The following UBXN8 variants were observed in gnomAD, a reference collection of about 807,000 sequenced individuals.
The protein encoded by UBXN8 is UBX domain protein 8.
A neutral mutation model predicts 32.1 loss-of-function variants in UBXN8; 27 were observed. The observed-to-expected ratio is 0.84, with a 90% CI of 0.62 to 1.16. UBXN8 has a LOEUF of 1.16. Among genes scored for constraint, UBXN8 ranks in the 50% most tolerant of loss-of-function variants. The pLI is 0.00. For missense variants in UBXN8, 306 were observed against 311.4 expected (o/e 0.98, Z 0.13); for synonymous variants, 109 against 111.8 (o/e 0.98, Z 0.16).
upstream of UBXN8, among the ~76,000 whole-genome samples, chr8:30,731,323 C>G (rs986797082): frequency 2.0e-5 from 3 of 152,138 alleles, no homozygotes; most frequent in African/African-American, 7.2e-5. Context: ...CGGTAGTAAC[C>G]GGCCCAGTCG....
At chr8:30,744,013 G>T (rs1805281670), upstream of UBXN8, among the ~76,000 whole-genome samples, 2 of 152,236 alleles carry the variant, frequency 1.3e-5, no homozygotes, top group South Asian at 4.1e-4. Context: ...CACGGCTACA[G>T]ACTATAACTT....
upstream of UBXN8, among the ~76,000 whole-genome samples, chr8:30,742,744 C>A (rs1805239541): frequency 6.6e-6 from 1 of 152,156 alleles, no homozygotes; most frequent in Non-Finnish European, 1.5e-5. Flanking sequence ...AGATTCCTAA[C>A]CTTTGAACAC....
chr8:30,745,668 A>G (rs1805341955), intron 1 of UBXN8, among the ~76,000 whole-genome samples: 2 of 152,268 alleles, frequency 1.3e-5, no homozygotes, highest in Admixed American at 1.3e-4. Context: ...CTTTATCCAA[A>G]GGATCAGAAA....
At chr8:30,739,510 C>G (rs191633943), upstream of UBXN8, among the ~76,000 whole-genome samples, 72 of 152,312 alleles carry the variant, frequency 4.7e-4, no homozygotes, top group African/African-American at 1.6e-3. Flanking sequence ...TGCCACTGCA[C>G]TCCAGCCTGG....
In UBXN8 at chr8:30,753,965, G is replaced by A. The variant is rs1261869864; in HGVS notation, c.283-700G>A. 4.5e-4 allele frequency among the ~76,000 whole-genome samples: 69 copies of A among 152,162 alleles called. 2 individuals carry two copies. The highest frequency in any genetic ancestry group is 1.0e-4 in the Non-Finnish European group (7 of 67,990). On this transcript the variant is annotated intron_variant, in intron 3 of 7. Transcript: ENST00000265616. Reference sequence around the variant, plus strand: ...CTAATTTTTAAAAAATTTTGGGCCAGGCGTGGTGGTGCACGCCTGTAATCC... The same window carrying A: ...CTAATTTTTAAAAAATTTTGGGCCAAGCGTGGTGGTGCACGCCTGTAATCC...
intron 1 of UBXN8, chr8:30,744,520 G>A: frequency 1.9e-6 from 1 of 537,030 alleles, no homozygotes; most frequent in South Asian, 2.8e-5. Context: ...ATCATAGACA[G>A]TGCTTTCGCA....
chr8:30,766,027 A>G (rs560364346), intron 7 of UBXN8, among the ~76,000 whole-genome samples, 200 bp from the exon 8 acceptor site: 23 of 144,094 alleles, frequency 1.6e-4, no homozygotes, highest in Non-Finnish European at 2.9e-4. Context: ...AAAAAAAAAG[A>G]ATATTCCTAT....
At chr8:30,752,876 A>G (rs1017254101) in intron 2 of UBXN8, among the ~76,000 whole-genome samples, 159 bp from the exon 3 acceptor site, 3 of 152,240 alleles carry the variant, frequency 2.0e-5, no homozygotes, top group Admixed American at 2.0e-4. Flanking sequence ...CTAAAAGGTT[A>G]TACTATTCAA....
chr8:30,742,795 C>T (rs537240628), upstream of UBXN8, among the ~76,000 whole-genome samples: 1 of 152,238 alleles, frequency 6.6e-6, no homozygotes, highest in East Asian at 1.9e-4. Context: ...TTTTGCAAGC[C>T]TTCTGGGTAT....
At position 30,763,679 on chromosome 8, in the gene UBXN8, T is replaced by A. The variant is rs143545845; in HGVS notation, c.645+332T>A. 3.9e-3 allele frequency among the ~76,000 whole-genome samples: 584 copies of A among 150,618 alleles called. 2 individuals are homozygous for A. The highest frequency in any genetic ancestry group is 6.2e-3 in the Non-Finnish European group (416 of 67,558). The stretch of plus-strand genomic sequence containing the variant: ...GAAGTAGCCACTATTAACTTTAGAC[T>A]TTTTTTTTTCTTTTAAAAACAATAC... On this transcript the variant is annotated intron_variant, in intron 7 of 7. Transcript: ENST00000265616.
chr8:30,756,725 G>T, intron 4 of UBXN8, 40 bp from the exon 5 acceptor site: 1 of 1,611,064 alleles, frequency 6.2e-7, no homozygotes, highest in Non-Finnish European at 8.5e-7. Flanking sequence ...AAAGTTGATA[G>T]AAAACATCTC....
In UBXN8 at chr8:30,763,338, C is replaced by T. The variant is rs770362555; in HGVS notation, c.636C>T (p.Tyr212=). The part of the protein sequence containing the change: ...NVLRRRFLKS[Y]SSQVLFDWMT... ...TGAGGAGAAGGTTTTTGAAGTCCTACAGCTCACAGGTAAGTGAAGGAATTC... is the reference window on the plus strand; with the variant it reads ...TGAGGAGAAGGTTTTTGAAGTCCTATAGCTCACAGGTAAGTGAAGGAATTC... Residue 212 remains tyrosine (Y), a synonymous_variant, in exon 7 of 8, where the codon TAC becomes TAT. Coordinates refer to ENST00000265616, the MANE Select transcript of UBXN8 (RefSeq NM_005671.4). 6 of 1,613,636 alleles carry T rather than the reference C, an allele frequency of 3.7e-6. No homozygotes were observed. Among genetic ancestry groups the T allele is most frequent in the Non-Finnish European group, 5.1e-6 (6 of 1,179,636 alleles).
chr8:30,753,073 A>AG lies in UBXN8; in HGVS notation c.251dup (p.Gln87ThrfsTer38), dbSNP rs916568235. On this transcript the variant is annotated frameshift_variant, in exon 3 of 8. Coordinates refer to ENST00000265616, the MANE Select transcript of UBXN8 (RefSeq NM_005671.4). LOFTEE classifies it high-confidence loss of function. ...GAATGAGAAAAGACAAAAACTTGTG[A>AG]GAAAAAAACAACAAGAAGCACAAGG... 3 of 1,531,950 alleles carry AG rather than the reference A, an allele frequency of 2.0e-6. No individual in the cohort carries two copies. Among genetic ancestry groups the AG allele is most frequent in the Non-Finnish European group, 2.6e-6 (3 of 1,140,442 alleles). The allele number at this position is 1,531,950 out of a possible 1,614,324, so 94.9% of individuals were successfully genotyped here.
chr8:30,756,251 C>T (rs1424790913), intron 4 of UBXN8: 1 of 153,848 alleles, frequency 6.5e-6, no homozygotes, highest in Non-Finnish European at 1.4e-5. Context: ...AGTGATTTTC[C>T]TGCCTCAGTC....
intron 7 of UBXN8, among the ~76,000 whole-genome samples, chr8:30,763,588 T>C (rs1440716078): frequency 6.6e-6 from 1 of 152,254 alleles, no homozygotes; most frequent in Non-Finnish European, 1.5e-5. Context: ...TGGTGTATTT[T>C]TCCTTTGTTG....
chr8:30,746,332 G>A (rs1184303978), intron 1 of UBXN8, among the ~76,000 whole-genome samples: 1 of 151,102 alleles, frequency 6.6e-6, no homozygotes, highest in Non-Finnish European at 1.5e-5. Context: ...ATTCTTGATA[G>A]TGAGCTTCCA....
chr8:30,735,897 CTG>C (rs1805060226), intron 1 of UBXN8, among the ~76,000 whole-genome samples: 1 of 152,174 alleles, frequency 6.6e-6, no homozygotes, highest in Non-Finnish European at 1.5e-5. Context: ...TATTACAACT[CTG>C]TGTTGAGGTT....
At chr8:30,755,223 G>A (rs980427083) in intron 4 of UBXN8, among the ~76,000 whole-genome samples, 3 of 152,062 alleles carry the variant, frequency 2.0e-5, no homozygotes, top group African/African-American at 7.2e-5. Flanking sequence ...CCAAAGTGCT[G>A]GGATTACAGG....
intron 1 of UBXN8, among the ~76,000 whole-genome samples, chr8:30,737,253 T>TGCAGTTCCAGTCCAAAGGCAGTCTGTTG (rs1224746009): frequency 1.3e-5 from 2 of 152,100 alleles, no homozygotes; most frequent in East Asian, 3.8e-4. Flanking sequence ...GGCATGATGG[T>TGCAGTTCCAGTCCAAAGGCAGTCTGTTG]GCAGTTCCAG....
Sources: allele counts gnomAD v4.1 joint callset (sites outside exome capture counted in the v4.1 genomes callset), GRCh38; gene constraint gnomAD v4.1.1; transcripts MANE v1.5; gene names NCBI Gene and HGNC (gene_info 2026-07-23, HGNC 2026-07-21).